WWOX: variants seen among roughly 807,000 people sequenced by gnomAD.
WWOX encodes the protein WW domain containing oxidoreductase.
WWOX carries 69 observed loss-of-function variants against 46.2 expected under a neutral mutation model. That is an observed-to-expected ratio of 1.49 (90% CI 1.23 to 1.82). WWOX has a LOEUF of 1.82. Among genes scored for constraint, WWOX ranks in the 40% most tolerant of loss-of-function variants. The probability of loss-of-function intolerance (pLI) is 0.00; values close to 1 mark genes in which losing one functional copy is unlikely to be tolerated. For synonymous variants in WWOX, 359 were observed against 202.6 expected (o/e 1.77, Z -6.56); for missense variants, 919 against 542.6 (o/e 1.69, Z -6.89).
At chr16:78,338,191 T>C (rs74558424) in intron 5 of WWOX, among the ~76,000 whole-genome samples, 27,101 of 119,832 alleles carry the variant, frequency 0.23, 8,672 homozygotes, top group African/African-American at 0.38. Flanking sequence ...AAAAAATTAA[T>C]TTTGTGAATT....
At chr16:78,619,227 G>T (rs2046116032) in intron 8 of WWOX, among the ~76,000 whole-genome samples, 1 of 101,608 alleles carries the variant, frequency 9.8e-6, no homozygotes, top group Non-Finnish European at 1.9e-5. Context: ...AGCCATGCAT[G>T]GGGGCCTGCC....
chr16:78,966,513 T>A (rs1040955184), intron 8 of WWOX, among the ~76,000 whole-genome samples: 1 of 147,902 alleles, frequency 6.8e-6, no homozygotes, highest in East Asian at 1.9e-4. Context: ...ATGACTGTAG[T>A]TTTTTTTTTA....
chr16:78,677,030 A>T (rs1597431990), intron 8 of WWOX, among the ~76,000 whole-genome samples: 1 of 151,598 alleles, frequency 6.6e-6, no homozygotes, highest in East Asian at 1.9e-4. Flanking sequence ...AAGCAACAAA[A>T]GCAGTTTTTA....
chr16:78,792,463 G>A (rs1430664613), intron 8 of WWOX, among the ~76,000 whole-genome samples: 1 of 152,172 alleles, frequency 6.6e-6, no homozygotes, highest in Non-Finnish European at 1.5e-5. Context: ...TCGTACTCCA[G>A]GGTGAGGAAG....
chr16:78,478,191 A>C (rs9931636), intron 8 of WWOX, among the ~76,000 whole-genome samples: 38,529 of 152,144 alleles, frequency 0.25, 5,384 homozygotes, highest in African/African-American at 0.38. Flanking sequence ...CAAGGATATA[A>C]ATGATAAATA....
intron 8 of WWOX, among the ~76,000 whole-genome samples, chr16:79,113,409 T>C (rs1423268147): frequency 6.6e-6 from 1 of 152,224 alleles, no homozygotes; most frequent in Non-Finnish European, 1.5e-5. Context: ...TGTCGTTGGT[T>C]GAGGACTGCT....
At chr16:78,367,114 G>C (rs574847927) in intron 5 of WWOX, among the ~76,000 whole-genome samples, 5 of 151,740 alleles carry the variant, frequency 3.3e-5, no homozygotes, top group Non-Finnish European at 5.9e-5. Flanking sequence ...TAAGTAGCTG[G>C]TACTACAGGT....
chr16:78,220,069 A>G (rs2036840598), intron 5 of WWOX, among the ~76,000 whole-genome samples: 1 of 152,212 alleles, frequency 6.6e-6, no homozygotes, highest in South Asian at 2.1e-4. Flanking sequence ...ATCCCCCTGT[A>G]GAATGGGAGG....
At chr16:78,719,281 G>C (rs575928966) in intron 8 of WWOX, among the ~76,000 whole-genome samples, 1 of 152,304 alleles carries the variant, frequency 6.6e-6, no homozygotes, top group African/African-American at 2.4e-5. Context: ...ATGGCTGAAG[G>C]GTTATTCTGG....
intron 8 of WWOX, among the ~76,000 whole-genome samples, chr16:78,556,336 G>A (rs533252237): frequency 6.6e-6 from 1 of 152,134 alleles, no homozygotes; most frequent in South Asian, 2.1e-4. Context: ...TGGCTTGCTG[G>A]CTGTCAGGAT....
In WWOX at chr16:78,640,395, G is replaced by C. The variant is rs2432578; in HGVS notation, c.1056+207643G>C. 6.4e-3 allele frequency among the ~76,000 whole-genome samples: 974 copies of C among 152,158 alleles called. 7 individuals are homozygous for C. Among genetic ancestry groups the C allele is most frequent in the Non-Finnish European group, 0.012 (805 of 68,012 alleles). The stretch of plus-strand genomic sequence containing the variant: ...CTCTGAGCTAGAATCCTGGTGTTCA[G>C]AATTGGCAGGAAGGGCACAGGGGCA... On this transcript the variant is annotated intron_variant, in intron 8 of 8. Transcript: ENST00000566780.
In WWOX at chr16:78,492,948, G is replaced by A. The variant is rs115313816; in HGVS notation, c.1056+60196G>A. 7.5e-3 allele frequency among the ~76,000 whole-genome samples: 1,141 copies of A among 152,206 alleles called. 15 individuals carry two copies. The highest frequency in any genetic ancestry group is 0.023 in the African/African-American group (962 of 41,520). On this transcript the variant is annotated intron_variant, in intron 8 of 8. Transcript: ENST00000566780. Reference sequence around the variant, plus strand: ...ATCACTAATCAATCAGTCATGCTTAGCATACTACTCCAAGTAGTCATTACT... The same window carrying A: ...ATCACTAATCAATCAGTCATGCTTAACATACTACTCCAAGTAGTCATTACT...
At chr16:78,255,174 G>T (rs2038094683) in intron 5 of WWOX, among the ~76,000 whole-genome samples, 1 of 152,130 alleles carries the variant, frequency 6.6e-6, no homozygotes, top group Non-Finnish European at 1.5e-5. Context: ...ACCCATAAGG[G>T]TATAACTGTC....
At chr16:78,342,379 C>T (rs185958924) in intron 5 of WWOX, among the ~76,000 whole-genome samples, 1 of 121,474 alleles carries the variant, frequency 8.2e-6, no homozygotes, top group Non-Finnish European at 2.0e-5. Flanking sequence ...GGGGACTCCA[C>T]TGTCTTGGAG....
intron 8 of WWOX, among the ~76,000 whole-genome samples, chr16:78,817,172 CTTTTTTTTTT>C (rs33981779): frequency 6.4e-4 from 33 of 51,582 alleles, no homozygotes; most frequent in South Asian, 4.2e-3. Flanking sequence ...TAGTGCTATT[CTTTTTTTTTT>C]TTTTTTTTTT....
chr16:78,587,968 A>T (rs1283727468), intron 8 of WWOX, among the ~76,000 whole-genome samples: 1 of 152,142 alleles, frequency 6.6e-6, no homozygotes, highest in Non-Finnish European at 1.5e-5. Flanking sequence ...AAGGGACTTC[A>T]CCTGGTCTTT....
chr16:79,118,182 T>C (rs1403796352), intron 8 of WWOX, among the ~76,000 whole-genome samples: 1 of 152,180 alleles, frequency 6.6e-6, no homozygotes, highest in Non-Finnish European at 1.5e-5. Context: ...TGAAAAGCCA[T>C]TGAAGGGTTG....
chr16:78,952,550 T>G (rs1047094020), intron 8 of WWOX, among the ~76,000 whole-genome samples: 4 of 151,980 alleles, frequency 2.6e-5, no homozygotes, highest in African/African-American at 9.7e-5. Context: ...ACCTGGCTAA[T>G]TTTTGTATTT....
At chr16:78,575,047 ATATATATATATATATATATATATATATAT>A (rs2044833358) in intron 8 of WWOX, among the ~76,000 whole-genome samples, 4 of 8,726 alleles carry the variant, frequency 4.6e-4, no homozygotes, top group African/African-American at 1.5e-3. Flanking sequence ...ATATATATAT[ATATATATATATATATATATATATATATAT>A]ATATATATAT....
Sources: allele counts gnomAD v4.1 joint callset (sites outside exome capture counted in the v4.1 genomes callset), GRCh38; gene constraint gnomAD v4.1.1; transcripts MANE v1.5; gene names NCBI Gene and HGNC (gene_info 2026-07-23, HGNC 2026-07-21).